The following MTCH2 variants were observed in gnomAD, a reference collection of about 807,000 sequenced individuals.
MTCH2 encodes mitochondrial carrier 2.
In MTCH2, 25 loss-of-function variants were observed where a neutral mutation model predicts 50.6. That is an observed-to-expected ratio of 0.49 (90% CI 0.36 to 0.69). The LOEUF (loss-of-function observed/expected upper bound fraction) is 0.69, where lower values mean the gene tolerates loss of function less well. MTCH2 is among the 30% of genes least tolerant of loss of function. MTCH2 has a pLI of 0.00. For missense variants in MTCH2, 273 were observed against 384.4 expected (o/e 0.71, Z 2.42); for synonymous variants, 106 against 132.0 (o/e 0.80, Z 1.35).
intron 9 of MTCH2, among the ~76,000 whole-genome samples, chr11:47,628,548 T>C (rs1396375144): frequency 6.6e-6 from 1 of 152,164 alleles, no homozygotes; most frequent in African/African-American, 2.4e-5. Context: ...CAGTCTGGCA[T>C]GTAGCAAACT....
chr11:47,609,949 G>A, the MTCH2 span, among the ~76,000 whole-genome samples: 1 of 152,322 alleles, frequency 6.6e-6, no homozygotes, highest in Non-Finnish European at 1.5e-5. Flanking sequence ...AGCAGAGGGA[G>A]GGGTAGGGAG....
Position 47,642,546 on chromosome 11 carries a change from C to T in MTCH2, c.-81G>A. 1.5e-6 allele frequency: 2 copies of T among 1,318,702 alleles called. No homozygotes were observed. Among genetic ancestry groups the T allele is most frequent in the South Asian group, 2.9e-5 (2 of 69,602 alleles). 81.7% of individuals were successfully genotyped at this position (1,318,702 alleles called of 1,614,324 possible). ...GCCGGTCCTAGGTCACGTGCCAGGG[C>T]CGCCGGTTTCACTGGCCCGCCCGCG... On this transcript the variant is annotated 5_prime_UTR_variant, in exon 1 of 13. Coordinates refer to ENST00000302503, the MANE Select transcript of MTCH2 (RefSeq NM_014342.4).
chr11:47,616,529 A>G (rs1035583403), downstream of MTCH2, among the ~76,000 whole-genome samples: 2 of 149,976 alleles, frequency 1.3e-5, no homozygotes, highest in African/African-American at 2.5e-5. Flanking sequence ...TAGTAGATAT[A>G]TTGGCCAGGC....
At chr11:47,604,715 T>A in the MTCH2 span, among the ~76,000 whole-genome samples, 2 of 152,162 alleles carry the variant, frequency 1.3e-5, no homozygotes, top group Non-Finnish European at 2.9e-5. Flanking sequence ...TACAAAAGAA[T>A]GAGGAATCAT....
chr11:47,611,385 C>A, the MTCH2 span, among the ~76,000 whole-genome samples: 1 of 152,212 alleles, frequency 6.6e-6, no homozygotes, highest in African/African-American at 2.4e-5. Context: ...CAGTCTGATG[C>A]CAGAAGGGCA....
rs202059615 is a variant in MTCH2, at chr11:47,618,913, T to C, written c.832A>G (p.Met278Val). Residue 278 changes from methionine to valine, a missense_variant, in exon 13 of 13, where the codon ATG (methionine) becomes GTG (valine). This residue lies in a region of MTCH2 where 70 missense variants were observed against 140.1 expected (regional missense o/e 0.50). Coordinates refer to ENST00000302503, the MANE Select transcript of MTCH2 (RefSeq NM_014342.4). ...CWCMLQKEGN[M>V]SRGNSLFFRK... is the part of the protein sequence containing the mutation. ...AAAAATAAGCTATTTCCTCGGCTCA[T>C]ATTCCCCTGGAAAACAAAACAAAAC... is the stretch of plus-strand genomic sequence containing the variant. The C allele has an allele frequency of 7.2e-7, 1 of 1,393,140 alleles. No homozygotes were observed. Among genetic ancestry groups the C allele is most frequent in the Non-Finnish European group, 9.4e-7 (1 of 1,065,302 alleles). 86.3% of individuals were successfully genotyped at this position (1,393,140 alleles called of 1,614,324 possible). A position where few individuals can be genotyped will look rare whatever the true frequency, so the allele number is the denominator to read the frequency against.
chr11:47,609,767 A>C, the MTCH2 span, among the ~76,000 whole-genome samples: 1 of 152,180 alleles, frequency 6.6e-6, no homozygotes, highest in East Asian at 1.9e-4. Flanking sequence ...CCCTGGTCAA[A>C]GATGGTAGAA....
Position 47,633,305 on chromosome 11 carries a change from T to C in MTCH2, c.369+1367A>G, listed in dbSNP as rs1372600550. Among the ~76,000 whole-genome samples the C allele has an allele frequency of 2.0e-5, 3 of 147,424 alleles. No homozygotes were observed. The Admixed American group carries it at 2.1e-4, about 10-fold the overall frequency. On this transcript the variant is annotated intron_variant, in intron 5 of 12. Transcript: ENST00000302503. ...TTTTGTATTTTTCGTAGAGACGGGG[T>C]TTCACCGTGTTAGCCAGGGTGGTCT...
chr11:47,608,767 G>A, the MTCH2 span, among the ~76,000 whole-genome samples: 3 of 151,952 alleles, frequency 2.0e-5, no homozygotes, highest in Non-Finnish European at 4.4e-5. Context: ...GACCATCCTG[G>A]CTAACATGGT....
chr11:47,631,887 ATTTTATCATAC>A (rs2097303418), intron 5 of MTCH2, among the ~76,000 whole-genome samples, 176 bp from the exon 6 acceptor site: 1 of 152,166 alleles, frequency 6.6e-6, no homozygotes, highest in Non-Finnish European at 1.5e-5. Flanking sequence ...ATTCATTGTC[ATTTTATCATAC>A]TTTTCACTCA....
At chr11:47,619,120 C>T (rs1273395679) in intron 12 of MTCH2, among the ~76,000 whole-genome samples, 1 of 152,244 alleles carries the variant, frequency 6.6e-6, no homozygotes, top group African/African-American at 2.4e-5. Context: ...TAAGTTCTTA[C>T]TCTGGGCAGA....
At chr11:47,610,897 T>G in the MTCH2 span, among the ~76,000 whole-genome samples, 1 of 152,142 alleles carries the variant, frequency 6.6e-6, no homozygotes, top group Non-Finnish European at 1.5e-5. Context: ...TCATGAAGTC[T>G]CTGATCTCCC....
At chr11:47,621,865 C>T (rs987528898) in intron 12 of MTCH2, among the ~76,000 whole-genome samples, 1 of 151,538 alleles carries the variant, frequency 6.6e-6, no homozygotes, top group Admixed American at 6.6e-5. Context: ...CATACCTAGC[C>T]GTTATTTTAT....
chr11:47,621,335 G>T (rs909487408), intron 12 of MTCH2, among the ~76,000 whole-genome samples: 7 of 152,046 alleles, frequency 4.6e-5, no homozygotes, highest in African/African-American at 1.7e-4. Flanking sequence ...AATCTTTTAA[G>T]AAGTGGACCC....
At chr11:47,610,689 G>A in the MTCH2 span, among the ~76,000 whole-genome samples, 2 of 152,062 alleles carry the variant, frequency 1.3e-5, no homozygotes, top group South Asian at 2.1e-4. Context: ...TGGGCGAAAG[G>A]GCAAAACTCC....
At chr11:47,639,291 C>T (rs1460318365) in intron 1 of MTCH2, among the ~76,000 whole-genome samples, 1 of 152,114 alleles carries the variant, frequency 6.6e-6, no homozygotes, top group Non-Finnish European at 1.5e-5. Flanking sequence ...AACCATGTAG[C>T]TGAAATAGGC....
chr11:47,619,507 T>A (rs953465961), intron 12 of MTCH2, among the ~76,000 whole-genome samples: 1 of 152,074 alleles, frequency 6.6e-6, no homozygotes, highest in African/African-American at 2.4e-5. Flanking sequence ...AGTGCAGGGA[T>A]TACGGGTGTG....
chr11:47,625,079 T>G (rs1240373203), intron 11 of MTCH2, among the ~76,000 whole-genome samples: 1 of 147,158 alleles, frequency 6.8e-6, no homozygotes, highest in Non-Finnish European at 1.5e-5. Flanking sequence ...CAGAGTGAGA[T>G]TCTGTCTCAA....
chr11:47,608,898 C>T, the MTCH2 span, among the ~76,000 whole-genome samples: 4 of 143,912 alleles, frequency 2.8e-5, no homozygotes, highest in Non-Finnish European at 6.0e-5. Context: ...GCGGAGCTTG[C>T]AGTGAGCCGA....
Sources: allele counts gnomAD v4.1 joint callset (sites outside exome capture counted in the v4.1 genomes callset), GRCh38; gene constraint gnomAD v4.1.1; regional missense constraint gnomAD v4.1.1; transcripts MANE v1.5; gene names NCBI Gene and HGNC (gene_info 2026-07-23, HGNC 2026-07-21).